Variants in ALG6 observed in about 807,000 individuals in gnomAD.
ALG6 encodes ALG6 alpha-1,3-glucosyltransferase.
Under a neutral mutation model 66.6 loss-of-function variants are expected in ALG6, and 46 were observed. The ratio of observed to expected loss-of-function variants is 0.69; its 90% confidence interval spans 0.55 to 0.88. The LOEUF (loss-of-function observed/expected upper bound fraction) is 0.88. ALG6 is among the 40% of genes least tolerant of loss of function. The probability of loss-of-function intolerance (pLI) is 0.00; values close to 1 mark genes in which losing one functional copy is unlikely to be tolerated. For missense variants in ALG6, 505 were observed against 586.8 expected, an observed-to-expected ratio of 0.86 and a Z score of 1.44; for synonymous variants, 185 against 203.7, an observed-to-expected ratio of 0.91 and a Z score of 0.78.
chr1:63,400,931 C>G (rs181649237), intron 3 of ALG6, among the ~76,000 whole-genome samples: 57 of 152,272 alleles, frequency 3.7e-4, no homozygotes, highest in African/African-American at 1.4e-3. Flanking sequence ...ATAATTGGTG[C>G]CTGTCTTCAG....
At chr1:63,400,329 A>ATG (rs1177134756) in intron 3 of ALG6, among the ~76,000 whole-genome samples, 4 of 35,954 alleles carry the variant, frequency 1.1e-4, no homozygotes, top group African/African-American at 2.0e-4. Context: ...ACGTATATAT[A>ATG]TATATACGTA....
chr1:63,401,320 A>G (rs1249609120), intron 3 of ALG6, among the ~76,000 whole-genome samples: 1 of 152,184 alleles, frequency 6.6e-6, no homozygotes, highest in Non-Finnish European at 1.5e-5. Flanking sequence ...TTAAAGAAAT[A>G]TTTTTAATTC....
At position 63,438,361 on chromosome 1, in the gene ALG6, A is replaced by G. The variant is rs1061654; in HGVS notation, c.*1341A>G. The G allele has an allele frequency of 6.6e-6, 1 of 152,194 alleles. No homozygotes were observed. Among genetic ancestry groups the G allele is most frequent in the East Asian group, 1.9e-4 (1 of 5,196 alleles). The allele number at this position is 152,194 out of a possible 1,614,324, so 9.4% of individuals were successfully genotyped here. On this transcript the variant is annotated 3_prime_UTR_variant, in exon 15 of 15. Coordinates refer to ENST00000263440, the MANE Select transcript of ALG6 (RefSeq NM_013339.4). ...CTGTCCATGGTCACCATCTGTAATC[A>G]CTGTGCCCAAATGTCAGCATCTTGG...
chr1:63,425,349 G>A (rs1327253179), intron 12 of ALG6, among the ~76,000 whole-genome samples: 1 of 152,166 alleles, frequency 6.6e-6, no homozygotes, highest in Non-Finnish European at 1.5e-5. Context: ...AATTGGCATT[G>A]GACAGATGTG....
intron 11 of ALG6, among the ~76,000 whole-genome samples, chr1:63,417,257 A>G (rs1039408289): frequency 6.6e-6 from 1 of 152,238 alleles, no homozygotes; most frequent in African/African-American, 2.4e-5. Context: ...AGGAAGTAGA[A>G]TGCTAAATAA....
intron 2 of ALG6, among the ~76,000 whole-genome samples, chr1:63,372,529 CTG>C (rs369467103): frequency 9.1e-5 from 11 of 120,602 alleles, no homozygotes; most frequent in African/African-American, 1.2e-4. Context: ...ATGTGTGTGT[CTG>C]TATATAGTAA....
At chr1:63,389,827 C>T (rs1006067040) in intron 2 of ALG6, among the ~76,000 whole-genome samples, 1 of 152,174 alleles carries the variant, frequency 6.6e-6, no homozygotes, top group Non-Finnish European at 1.5e-5. Context: ...CTCTTGCAGG[C>T]TCATAGAGGT....
intron 3 of ALG6, among the ~76,000 whole-genome samples, chr1:63,400,268 CGTATATATATATACGTAT>C (rs1644450864): frequency 0.012 from 156 of 12,970 alleles, 26 homozygotes; most frequent in South Asian, 0.063. Context: ...TATATATATA[CGTATATATATATACGTAT>C]ATATATATAC....
chr1:63,422,270 T>TATATATATTTATATAGATATAA lies in ALG6; in HGVS notation c.1058+2838_1058+2839insTTATATAGATATAAATATATAT, dbSNP rs1557595045. ...ATATATATATTTATATAGATATAAA[T>TATATATATTTATATAGATATAA]ATATATATAAATATATATATTTATA... On this transcript the variant is annotated intron_variant, in intron 12 of 14. Transcript: ENST00000263440. Among the ~76,000 whole-genome samples the TATATATATTTATATAGATATAA allele has an allele frequency of 2.2e-4, 16 of 73,862 alleles. 2 individuals are homozygous for TATATATATTTATATAGATATAA. In the East Asian group the frequency reaches 3.4e-3, roughly 16 times the overall value. 48.5% of individuals were successfully genotyped at this position (73,862 alleles called of 152,430 possible).
rs1361781573 is a variant in ALG6 at position 63,382,640 on chromosome 1, AGTTTTTTTTTGTTT to A, written c.82+11596_82+11609del. 2.0e-4 allele frequency among the ~76,000 whole-genome samples: 22 copies of A among 108,052 alleles called. No individual in the cohort carries two copies. In the South Asian group the frequency reaches 2.3e-3, roughly 11 times the overall value. 70.9% of individuals were successfully genotyped at this position (108,052 alleles called of 152,430 possible). ...AGGCACGTGCCACCATGCCTGGCTA[AGTTTTTTTTTGTTT>A]GTTTTTTTTTGTTTTTTTTTTTTTG... On this transcript the variant is annotated intron_variant, in intron 2 of 14. Coordinates refer to ENST00000263440, the MANE Select transcript of ALG6 (RefSeq NM_013339.4).
intron 2 of ALG6, among the ~76,000 whole-genome samples, chr1:63,395,942 T>C (rs1648812386): frequency 6.6e-6 from 1 of 152,180 alleles, no homozygotes. Context: ...CCTTGCATTA[T>C]CCCCTAAACA....
At chr1:63,424,287 C>T (rs995198282) in intron 12 of ALG6, among the ~76,000 whole-genome samples, 5 of 152,018 alleles carry the variant, frequency 3.3e-5, no homozygotes, top group Non-Finnish European at 5.9e-5. Flanking sequence ...ACTACAGGCG[C>T]GTGCCACCAC....
intron 2 of ALG6, among the ~76,000 whole-genome samples, chr1:63,378,353 T>G (rs991633782): frequency 2.0e-5 from 3 of 152,330 alleles, no homozygotes; most frequent in East Asian, 3.8e-4. Context: ...CTTTTGTAGG[T>G]AATTTGCCTT....
chr1:63,403,911 T>C (rs980060655), intron 4 of ALG6, among the ~76,000 whole-genome samples: 1 of 152,194 alleles, frequency 6.6e-6, no homozygotes, highest in African/African-American at 2.4e-5. Context: ...TATGAGTGTA[T>C]TTAATATTTG....
intron 2 of ALG6, among the ~76,000 whole-genome samples, chr1:63,373,947 G>C (rs749344967): frequency 6.6e-6 from 1 of 151,998 alleles, no homozygotes; most frequent in Non-Finnish European, 1.5e-5. Context: ...GCTTAATATA[G>C]TTTCTCTTTA....
At chr1:63,391,813 T>C (rs1328671207) in intron 2 of ALG6, among the ~76,000 whole-genome samples, 1 of 152,242 alleles carries the variant, frequency 6.6e-6, no homozygotes, top group Non-Finnish European at 1.5e-5. Flanking sequence ...TATACATTAA[T>C]TTTCAGAGAC....
intron 2 of ALG6, among the ~76,000 whole-genome samples, chr1:63,382,153 G>T (rs1159941253): frequency 6.6e-6 from 1 of 150,664 alleles, no homozygotes; most frequent in Non-Finnish European, 1.5e-5. Flanking sequence ...GGTCACATGA[G>T]ATTTTTTTTT....
intron 11 of ALG6, among the ~76,000 whole-genome samples, chr1:63,417,104 A>G (rs1644549334): frequency 6.6e-6 from 1 of 152,180 alleles, no homozygotes; most frequent in African/African-American, 2.4e-5. Context: ...GATTCTGTGA[A>G]TGAACTCTGA....
intron 7 of ALG6, among the ~76,000 whole-genome samples, chr1:63,408,636 A>G (rs1415709387): frequency 6.6e-6 from 1 of 152,224 alleles, no homozygotes; most frequent in African/African-American, 2.4e-5. Flanking sequence ...CAATGGTGTA[A>G]GAGTTCCAGA....
Sources: allele counts gnomAD v4.1 joint callset (sites outside exome capture counted in the v4.1 genomes callset), GRCh38; gene constraint gnomAD v4.1.1; transcripts MANE v1.5; gene names NCBI Gene and HGNC (gene_info 2026-07-23, HGNC 2026-07-21).